Variants in FGF13 observed in about 807,000 individuals in gnomAD.
FGF13 encodes fibroblast growth factor 13, also known as fibroblast growth factor homologous factor 2.
Under a neutral mutation model 19.5 loss-of-function variants are expected in FGF13, and 2 were observed. The ratio of observed to expected loss-of-function variants is 0.10; its 90% CI spans 0.04 to 0.32. The LOEUF (loss-of-function observed/expected upper bound fraction) is 0.32, where lower values mean the gene tolerates loss of function less well. Ranked by LOEUF, FGF13 falls within the 10% of genes least tolerant of loss-of-function variation. FGF13 has a pLI of 1.00. For missense variants in FGF13, 113 were observed against 192.7 expected (o/e 0.59, Z 2.45); for synonymous variants, 72 against 76.9 (o/e 0.94, Z 0.33).
At chrX:138,848,138 T>C (rs779411770) in intron 3 of FGF13, among the ~76,000 whole-genome samples, 1 of 112,130 alleles carries the variant, frequency 8.9e-6, no homozygotes, top group East Asian at 2.8e-4. Context: ...CACACGCTTA[T>C]GGAGAATCCT....
chrX:138,911,470 TG>T (rs1184843721), intron 1 of FGF13, among the ~76,000 whole-genome samples: 2 of 108,143 alleles, frequency 1.8e-5, no homozygotes, highest in Non-Finnish European at 3.8e-5. Flanking sequence ...CAGAGAGTGG[TG>T]GGGGGAGGCA....
At chrX:138,724,053 G>T (rs1416825009) in intron 1 of FGF13, among the ~76,000 whole-genome samples, 1 of 111,852 alleles carries the variant, frequency 8.9e-6, no homozygotes, top group African/African-American at 3.2e-5. Flanking sequence ...ACCCAATCGT[G>T]TCCGACTCCT....
chrX:138,862,206 A>C (rs2091292033), intron 2 of FGF13, among the ~76,000 whole-genome samples: 2 of 112,099 alleles, frequency 1.8e-5, no homozygotes, highest in African/African-American at 3.2e-5. Flanking sequence ...CTGCCCCCTC[A>C]GCAGGCCACT....
intron 3 of FGF13, among the ~76,000 whole-genome samples, chrX:138,758,362 G>A (rs1569385412): frequency 8.9e-6 from 1 of 111,801 alleles, no homozygotes; most frequent in Non-Finnish European, 1.9e-5. Flanking sequence ...AGCAAGGACC[G>A]TACATTTCTA....
intron 1 of FGF13, among the ~76,000 whole-genome samples, chrX:139,157,149 T>C (rs190315155): frequency 9.0e-6 from 1 of 111,571 alleles, no homozygotes; most frequent in East Asian, 2.8e-4. Context: ...AGCCCTGTAA[T>C]GTAGGAATTG....
In FGF13 at chrX:138,627,025, T is replaced by A. The variant is rs764681282; in HGVS notation, c.*5825A>T. Reference sequence around the variant, plus strand: ...TATTAGTGACAGAGAGGTTTCCATATGTGAAGAACATAAAACTGAATAGTT... The same window carrying A: ...TATTAGTGACAGAGAGGTTTCCATAAGTGAAGAACATAAAACTGAATAGTT... On this transcript the variant is annotated 3_prime_UTR_variant, in exon 5 of 5. Transcript: ENST00000315930. 8.9e-6 allele frequency: 1 copy of A among 112,049 alleles called. No homozygotes were observed. The highest frequency in any genetic ancestry group is 1.9e-5 in the Non-Finnish European group (1 of 53,228). The allele number at this position is 112,049 out of a possible 1,213,427, so 9.2% of individuals were successfully genotyped here. A position where few individuals can be genotyped will look rare whatever the true frequency, so the allele number is the denominator to read the frequency against.
At chrX:139,120,872 C>T (rs1203931538) in intron 1 of FGF13, among the ~76,000 whole-genome samples, 1 of 112,516 alleles carries the variant, frequency 8.9e-6, no homozygotes, top group Non-Finnish European at 1.9e-5. Context: ...ACCAGATTCA[C>T]TATTGAAATA....
upstream of FGF13, among the ~76,000 whole-genome samples, chrX:139,203,760 C>G (rs1184796322): frequency 1.8e-5 from 2 of 112,048 alleles, no homozygotes; most frequent in African/African-American, 6.5e-5. Context: ...CGGTTCCCGG[C>G]GCTCCAGGCT....
At chrX:138,770,321 G>GC (rs1188785405) in intron 3 of FGF13, among the ~76,000 whole-genome samples, 1 of 110,642 alleles carries the variant, frequency 9.0e-6, no homozygotes, top group African/African-American at 3.3e-5. Context: ...CACACCCTCA[G>GC]CCCCCCACTT....
At chrX:138,986,876 T>G (rs902204896) in intron 1 of FGF13, among the ~76,000 whole-genome samples, 1 of 112,221 alleles carries the variant, frequency 8.9e-6, no homozygotes, top group Non-Finnish European at 1.9e-5. Flanking sequence ...AAACAGAAAT[T>G]TAACAGAAAT....
downstream of FGF13, chrX:138,857,476 G>A: frequency 4.4e-6 from 5 of 1,145,612 alleles, no homozygotes; most frequent in Non-Finnish European, 5.8e-6. Context: ...AAGAATGAGA[G>A]AAAACAAGCA....
chrX:138,904,865 A>C (rs189937240), intron 1 of FGF13, among the ~76,000 whole-genome samples: 28 of 111,959 alleles, frequency 2.5e-4, no homozygotes, highest in African/African-American at 9.1e-4. Context: ...GTTGAAAGTG[A>C]AACTTGGTAA....
intron 1 of FGF13, among the ~76,000 whole-genome samples, chrX:139,173,930 G>A (rs773941871): frequency 8.9e-6 from 1 of 111,875 alleles, no homozygotes; most frequent in Admixed American, 9.5e-5. Context: ...AATGGGATTG[G>A]TGGGTCAAAT....
intron 1 of FGF13, among the ~76,000 whole-genome samples, chrX:138,916,000 G>A (rs145556385): frequency 3.2e-3 from 361 of 111,661 alleles, no homozygotes; most frequent in African/African-American, 0.011. Context: ...TTTGTTTTGG[G>A]TCATTAGAAG....
At chrX:138,931,253 G>GTT (rs1214201417) in intron 1 of FGF13, among the ~76,000 whole-genome samples, 2 of 103,528 alleles carry the variant, frequency 1.9e-5, no homozygotes, top group African/African-American at 7.0e-5. Flanking sequence ...GAAAAGGGCT[G>GTT]TTTTTTTTTT....
intron 1 of FGF13, among the ~76,000 whole-genome samples, chrX:138,957,543 A>G (rs2091847043): frequency 9.0e-6 from 1 of 111,275 alleles, no homozygotes; most frequent in Admixed American, 9.6e-5. Context: ...GTTTTTTCCA[A>G]TTCTGTGAAG....
rs199755534 is a variant in FGF13 at position 138,954,095 on chromosome X, C to CGA, written c.-112-89447_-112-89446dup. 6.6e-3 allele frequency among the ~76,000 whole-genome samples: 617 copies of CGA among 94,121 alleles called. 3 individuals are homozygous for CGA. Among genetic ancestry groups the CGA allele is most frequent in the African/African-American group, 9.7e-3 (252 of 25,951 alleles). 81.7% of individuals were successfully genotyped at this position (94,121 alleles called of 115,157 possible). ...TGCATTTCATAGTATGTAAATTTAA[C>CGA]GAGAGAGAGAGAGAGAGAGAGAGAG... On this transcript the variant is annotated intron_variant, in intron 1 of 2. Coordinates refer to the FGF13 transcript ENST00000421460.
intron 1 of FGF13, among the ~76,000 whole-genome samples, chrX:138,909,350 G>A (rs2091575402): frequency 9.0e-6 from 1 of 111,615 alleles, no homozygotes; most frequent in Non-Finnish European, 1.9e-5. Context: ...CCTTCCATGT[G>A]AGAATGTCCC....
At chrX:138,726,319 A>T (rs1238957379) in intron 1 of FGF13, among the ~76,000 whole-genome samples, 1 of 112,001 alleles carries the variant, frequency 8.9e-6, no homozygotes, top group Non-Finnish European at 1.9e-5. Flanking sequence ...CTTTATAACT[A>T]GGAAACTTAA....
Sources: allele counts gnomAD v4.1 joint callset (sites outside exome capture counted in the v4.1 genomes callset), GRCh38; gene constraint gnomAD v4.1.1; transcripts MANE v1.5; gene names NCBI Gene and HGNC (gene_info 2026-07-23, HGNC 2026-07-21).